The following WDR70 variants were observed in gnomAD, a reference collection of about 807,000 sequenced individuals.
WDR70 encodes the protein WD repeat domain 70.
A neutral mutation model predicts 88.6 loss-of-function variants in WDR70; 53 were observed. The ratio of observed to expected loss-of-function variants is 0.60; its 90% CI spans 0.48 to 0.75. The LOEUF (loss-of-function observed/expected upper bound fraction) is 0.75, where lower values mean the gene tolerates loss of function less well. WDR70 is among the 30% of genes least tolerant of loss of function. The probability of loss-of-function intolerance (pLI) is 0.00; values close to 1 mark genes in which losing one functional copy is unlikely to be tolerated. For missense variants in WDR70, 610 were observed against 823.2 expected, an observed-to-expected ratio of 0.74 and a Z score of 3.17; for synonymous variants, 280 against 270.0, an observed-to-expected ratio of 1.04 and a Z score of -0.36.
intron 5 of WDR70, among the ~76,000 whole-genome samples, chr5:37,423,362 TA>T (rs542245071): frequency 2.2e-3 from 277 of 125,738 alleles, no homozygotes; most frequent in African/African-American, 2.7e-3. Context: ...ACAAAAACAT[TA>T]AAAAAAAAAA....
intron 17 of WDR70, among the ~76,000 whole-genome samples, chr5:37,736,571 A>G (rs183838837): frequency 4.2e-4 from 63 of 151,754 alleles, no homozygotes; most frequent in African/African-American, 1.5e-3. Flanking sequence ...AATGTTTCTG[A>G]AAGTGGTTTT....
intron 10 of WDR70, among the ~76,000 whole-genome samples, chr5:37,689,274 G>T (rs1746707495): frequency 6.6e-6 from 1 of 152,238 alleles, no homozygotes; most frequent in Admixed American, 6.5e-5. Context: ...CTGAACAAAA[G>T]GCAGCAGACA....
At chr5:37,676,924 T>A (rs1252395679) in intron 10 of WDR70, among the ~76,000 whole-genome samples, 1 of 152,222 alleles carries the variant, frequency 6.6e-6, no homozygotes, top group Non-Finnish European at 1.5e-5. Context: ...CTGTTATTGG[T>A]CTATTGAGAG....
intron 8 of WDR70, chr5:37,506,853 C>A: frequency 4.8e-6 from 6 of 1,239,914 alleles, no homozygotes; most frequent in Non-Finnish European, 7.1e-6. Context: ...GGGTCACCCG[C>A]CTCATTGCGC....
At chr5:37,396,746 G>T (rs998252420) in intron 5 of WDR70, among the ~76,000 whole-genome samples, 176 bp downstream of exon 5, 1 of 152,050 alleles carries the variant, frequency 6.6e-6, no homozygotes, top group Non-Finnish European at 1.5e-5. Flanking sequence ...CAGGAGAATC[G>T]CTTGAACCTG....
intron 7 of WDR70, among the ~76,000 whole-genome samples, chr5:37,477,822 T>C (rs1018300275): frequency 6.6e-6 from 1 of 152,210 alleles, no homozygotes; most frequent in African/African-American, 2.4e-5. Flanking sequence ...GGAAAGGTTG[T>C]ATCTTACCAG....
At chr5:37,624,123 T>C (rs1581444357) in intron 10 of WDR70, among the ~76,000 whole-genome samples, 1 of 152,152 alleles carries the variant, frequency 6.6e-6, no homozygotes, top group South Asian at 2.1e-4. Flanking sequence ...CATTCTGATG[T>C]GGTACAGAAC....
chr5:37,452,300 A>C (rs1182207725), intron 7 of WDR70, among the ~76,000 whole-genome samples: 1 of 146,776 alleles, frequency 6.8e-6, no homozygotes, highest in Non-Finnish European at 1.5e-5. Flanking sequence ...AGTCTGTCTC[A>C]TGTTGCCCAG....
intron 9 of WDR70, among the ~76,000 whole-genome samples, chr5:37,597,535 GATTT>G (rs1436658546): frequency 6.6e-6 from 1 of 151,994 alleles, no homozygotes; most frequent in Non-Finnish European, 1.5e-5. Context: ...TTTAAATATT[GATTT>G]ATTTTTCTTA....
At chr5:37,723,164 C>T (rs1302785893) in intron 15 of WDR70, 13 of 556,798 alleles carry the variant, frequency 2.3e-5, no homozygotes, top group Admixed American at 9.2e-5. Flanking sequence ...AAGGGAAAAG[C>T]CTGTTCGAGT....
intron 5 of WDR70, among the ~76,000 whole-genome samples, 183 bp downstream of exon 5, chr5:37,396,753 C>T (rs1749026546): frequency 1.3e-5 from 2 of 152,094 alleles, no homozygotes; most frequent in East Asian, 1.9e-4. Context: ...ATCGCTTGAA[C>T]CTGGGAGGCA....
At chr5:37,672,437 T>A (rs1391893606) in intron 10 of WDR70, among the ~76,000 whole-genome samples, 1 of 152,096 alleles carries the variant, frequency 6.6e-6, no homozygotes, top group African/African-American at 2.4e-5. Flanking sequence ...GCTCGTACAT[T>A]CGTTCTGTTC....
chr5:37,587,279 T>G (rs1440364880), intron 9 of WDR70, among the ~76,000 whole-genome samples: 1 of 152,008 alleles, frequency 6.6e-6, no homozygotes, highest in African/African-American at 2.4e-5. Flanking sequence ...TTGCCAATAT[T>G]TTTACAATCT....
intron 10 of WDR70, among the ~76,000 whole-genome samples, chr5:37,630,887 G>A (rs1317320856): frequency 3.9e-5 from 6 of 152,116 alleles, no homozygotes; most frequent in African/African-American, 1.4e-4. Flanking sequence ...TCCTAATCTG[G>A]AGCAGTGAAA....
At position 37,392,075 on chromosome 5, in the gene WDR70, C is replaced by G; in HGVS notation, c.251C>G (p.Ser84Cys). 1 of 1,612,436 alleles carries G rather than the reference C, an allele frequency of 6.2e-7. No homozygotes were observed. Among genetic ancestry groups the G allele is most frequent in the Non-Finnish European group, 8.5e-7 (1 of 1,179,698 alleles). The change falls in exon 4 of 18, where the codon TCC becomes TGC. Residue 84 changes from serine to cysteine, a missense_variant. Physicochemically the swap from Ser to Cys is moderately radical, Grantham distance 112. This residue lies in a region of WDR70 where 203 missense variants were observed against 228.1 expected (regional missense o/e 0.89). Coordinates refer to ENST00000265107, the MANE Select transcript of WDR70 (RefSeq NM_018034.4). Reference protein sequence around the residue: ...RRQNEDIEPTSSRSNVVRDCS... With the variant: ...RRQNEDIEPTCSRSNVVRDCS... Reference sequence around the variant, plus strand: ...CAAAATGAAGATATTGAGCCAACATCCTCAAGATCAAATGTGGTCAGAGAT... The same window carrying G: ...CAAAATGAAGATATTGAGCCAACATGCTCAAGATCAAATGTGGTCAGAGAT...
chr5:37,569,645 A>G (rs1009687791), intron 9 of WDR70, among the ~76,000 whole-genome samples: 2 of 152,322 alleles, frequency 1.3e-5, no homozygotes, highest in South Asian at 2.1e-4. Flanking sequence ...TCATACCACA[A>G]ATTGCTTTTG....
chr5:37,677,364 G>A (rs1398011859), intron 10 of WDR70, among the ~76,000 whole-genome samples: 2 of 152,084 alleles, frequency 1.3e-5, no homozygotes, highest in African/African-American at 4.8e-5. Flanking sequence ...TTTCTCTTGT[G>A]GGCATTTAGT....
At position 37,521,735 on chromosome 5, in the gene WDR70, CA is replaced by C. The variant is rs1561886052; in HGVS notation, c.917+5146del. Among the ~76,000 whole-genome samples the C allele has an allele frequency of 7.1e-3, 1,080 of 151,176 alleles. 18 individuals carry two copies. Among genetic ancestry groups the C allele is most frequent in the African/African-American group, 0.024 (984 of 40,684 alleles). On this transcript the variant is annotated intron_variant, in intron 9 of 17. Transcript: ENST00000265107. ...ACACACACACACACACACACACACA[CA>C]CACACCCACATGTTCTTTATCAACT...
intron 7 of WDR70, among the ~76,000 whole-genome samples, chr5:37,455,243 C>T (rs1031504736): frequency 1.3e-4 from 16 of 123,070 alleles, no homozygotes; most frequent in South Asian, 7.9e-4. Context: ...TTCTTTCTTT[C>T]TTTTTTTTTT....
Sources: allele counts gnomAD v4.1 joint callset (sites outside exome capture counted in the v4.1 genomes callset), GRCh38; gene constraint gnomAD v4.1.1; regional missense constraint gnomAD v4.1.1; transcripts MANE v1.5; gene names NCBI Gene and HGNC (gene_info 2026-07-23, HGNC 2026-07-21).